GFPT2: variants seen among roughly 807,000 people sequenced by gnomAD.
The protein encoded by GFPT2 is glutamine--fructose-6-phosphate aminotransferase [isomerizing] 2.
In GFPT2, 62 loss-of-function variants were observed where a neutral mutation model predicts 85.6. That is an observed-to-expected ratio of 0.72 (90% CI 0.59 to 0.90). The LOEUF (loss-of-function observed/expected upper bound fraction) is 0.90, where lower values mean the gene tolerates loss of function less well. Ranked by LOEUF, GFPT2 falls within the 40% of genes least tolerant of loss-of-function variation. The pLI is 0.00. For synonymous variants in GFPT2, 368 were observed against 344.5 expected (o/e 1.07, Z -0.75); for missense variants, 788 against 893.4 (o/e 0.88, Z 1.50).
chr5:180,313,701 G>A, intron 14 of GFPT2, 106 bp downstream of exon 14: 1 of 922,006 alleles, frequency 1.1e-6, no homozygotes. Flanking sequence ...GCGGGAAGGG[G>A]AAAGAAAGGC....
At chr5:180,310,864 ATT>A (rs1366441356) in intron 15 of GFPT2, among the ~76,000 whole-genome samples, 1 of 128,982 alleles carries the variant, frequency 7.8e-6, no homozygotes, top group African/African-American at 2.9e-5. Context: ...AAAAAAAAAA[ATT>A]TTTAGTATAA....
chr5:180,313,730 G>T, intron 14 of GFPT2, 77 bp downstream of exon 14: 2 of 1,329,934 alleles, frequency 1.5e-6, no homozygotes, highest in Non-Finnish European at 2.0e-6. Context: ...GGGCAGAGCA[G>T]GCCGGAGGAG....
intron 16 of GFPT2, 82 bp downstream of exon 16, chr5:180,307,094 G>A: frequency 4.1e-6 from 5 of 1,205,742 alleles, no homozygotes; most frequent in Middle Eastern, 2.7e-4. Context: ...CAAGCCCAAC[G>A]CCCTGCCCTC....
chr5:180,350,556 T>C (rs1764693773), intron 1 of GFPT2, among the ~76,000 whole-genome samples: 1 of 152,072 alleles, frequency 6.6e-6, no homozygotes, highest in Non-Finnish European at 1.5e-5. Context: ...ACCACACCCA[T>C]GAGATCTTCG....
chr5:180,308,082 T>G lies in GFPT2; in HGVS notation c.1547-779A>C, dbSNP rs550040852. Among the ~76,000 whole-genome samples, 3 of 152,124 alleles carry G rather than the reference T, an allele frequency of 2.0e-5. No individual in the cohort carries two copies. The East Asian group carries it at 5.8e-4, about 29-fold the overall frequency. ...CCATCCTGGCTAACATGGTGAGACC[T>G]GGTATCTACTAAAAATACAAAAAAT... On this transcript the variant is annotated intron_variant, in intron 15 of 18. Coordinates refer to ENST00000253778, the MANE Select transcript of GFPT2 (RefSeq NM_005110.4).
chr5:180,353,112 G>T, intron 1 of GFPT2, 99 bp downstream of exon 1: 1 of 1,038,256 alleles, frequency 9.6e-7, no homozygotes, highest in African/African-American at 1.7e-5. Context: ...CCCCAGCCAG[G>T]TCCTCGGCGC....
intron 1 of GFPT2, among the ~76,000 whole-genome samples, chr5:180,349,931 G>A (rs1475248671): frequency 2.6e-5 from 4 of 151,730 alleles, no homozygotes; most frequent in African/African-American, 9.7e-5. Flanking sequence ...GGACGCACAG[G>A]GACAGTTTAC....
chr5:180,324,341 G>C (rs762309406), intron 8 of GFPT2, 36 bp from the exon 9 acceptor site: 1 of 1,177,754 alleles, frequency 8.5e-7, no homozygotes. Context: ...AATCCCACTG[G>C]GATGTTTTGT....
chr5:180,319,621 G>A (rs1561876494), intron 9 of GFPT2, among the ~76,000 whole-genome samples: 1 of 152,140 alleles, frequency 6.6e-6, no homozygotes, highest in African/African-American at 2.4e-5. Flanking sequence ...AAAGCTGGAC[G>A]AAGCTTTATC....
chr5:180,307,141 C>G, intron 16 of GFPT2, 35 bp downstream of exon 16: 2 of 1,514,352 alleles, frequency 1.3e-6, no homozygotes, highest in Non-Finnish European at 1.8e-6. Flanking sequence ...TGTGCCTGTC[C>G]TCCGTGGGGG....
chr5:180,309,654 C>T (rs994689643), intron 15 of GFPT2, among the ~76,000 whole-genome samples: 1 of 151,990 alleles, frequency 6.6e-6, no homozygotes, highest in Non-Finnish European at 1.5e-5. Context: ...TCAGGTGATC[C>T]GCTCGCCTTG....
At chr5:180,351,273 T>TGC (rs1476867133) in intron 1 of GFPT2, among the ~76,000 whole-genome samples, 1 of 152,214 alleles carries the variant, frequency 6.6e-6, no homozygotes, top group African/African-American at 2.4e-5. Context: ...GCTTCCCCTC[T>TGC]GCACAGGATA....
rs779068855 is a variant in GFPT2, at chr5:180,318,962, G to A, written c.795-6C>T. On this transcript the variant is annotated splice_polypyrimidine_tract_variant and splice_region_variant and intron_variant, in intron 9 of 18. Transcript: ENST00000253778. This position sits in a 1 kb window ranked among gnomAD's most constrained non-coding sequence, Gnocchi z 4.2. ...TGGTGTGCTCTATGATAGCGCTGGGGCAAGGGAAACAGGCATCATCAGTGC... is the reference window on the plus strand; with the variant it reads ...TGGTGTGCTCTATGATAGCGCTGGGACAAGGGAAACAGGCATCATCAGTGC... 1.2e-6 allele frequency: 2 copies of A among 1,611,200 alleles called. No homozygotes were observed. Among genetic ancestry groups the A allele is most frequent in the Admixed American group, 1.7e-5 (1 of 59,994 alleles).
chr5:180,350,733 T>C (rs904253348), intron 1 of GFPT2, among the ~76,000 whole-genome samples: 1 of 152,250 alleles, frequency 6.6e-6, no homozygotes, highest in Non-Finnish European at 1.5e-5. Flanking sequence ...CAAAGTGTCA[T>C]TTCAGCTAAA....
intron 17 of GFPT2, among the ~76,000 whole-genome samples, chr5:180,304,321 T>C (rs368986696): frequency 6.6e-6 from 1 of 152,264 alleles, no homozygotes; most frequent in Non-Finnish European, 1.5e-5. Flanking sequence ...CTTGGATTCA[T>C]AGTCAGTTGC....
At chr5:180,344,615 CAGG>C (rs1378215400) in intron 1 of GFPT2, among the ~76,000 whole-genome samples, 1 of 152,208 alleles carries the variant, frequency 6.6e-6, no homozygotes, top group African/African-American at 2.4e-5. Context: ...CTTCTGGGTA[CAGG>C]AGGAGTGACC....
At chr5:180,347,608 C>T (rs189573524) in intron 1 of GFPT2, among the ~76,000 whole-genome samples, 4 of 152,042 alleles carry the variant, frequency 2.6e-5, no homozygotes, top group Non-Finnish European at 4.4e-5. Flanking sequence ...GCACAAGGCC[C>T]GAGAGATCAC....
rs760272173 is a variant in GFPT2 at position 180,352,706 on chromosome 5, C to T, written c.7+505G>A. 102 of 414,538 alleles carry T rather than the reference C, an allele frequency of 2.5e-4. 1 individual carries two copies. Among genetic ancestry groups the T allele is most frequent in the Middle Eastern group, 6.6e-4 (1 of 1,520 alleles). 25.7% of individuals were successfully genotyped at this position (414,538 alleles called of 1,614,324 possible). On this transcript the variant is annotated intron_variant, in intron 1 of 18. Coordinates refer to ENST00000253778, the MANE Select transcript of GFPT2 (RefSeq NM_005110.4). ...GGCCCTGCCTGAGGCACTGACGCAG[C>T]GGGGGCGACCGGGCGGGCTGCGGGG...
At chr5:180,307,764 A>G (rs1217709252) in intron 15 of GFPT2, among the ~76,000 whole-genome samples, 1 of 152,222 alleles carries the variant, frequency 6.6e-6, no homozygotes, top group Non-Finnish European at 1.5e-5. Flanking sequence ...ATTATTGCAC[A>G]TCCCCAAGAG....
Sources: allele counts gnomAD v4.1 joint callset (sites outside exome capture counted in the v4.1 genomes callset), GRCh38; gene constraint gnomAD v4.1.1; non-coding constraint Gnocchi (gnomAD v3.1); transcripts MANE v1.5; gene names NCBI Gene and HGNC (gene_info 2026-07-23, HGNC 2026-07-21).